Variants in SIRPD observed in about 807,000 individuals in gnomAD.
SIRPD encodes the protein signal-regulatory protein delta.
Under a neutral mutation model 18.0 loss-of-function variants are expected in SIRPD, and 21 were observed. The observed-to-expected ratio is 1.17, with a 90% CI of 0.83 to 1.68. The LOEUF (loss-of-function observed/expected upper bound fraction) is 1.68. Ranked by LOEUF, SIRPD falls within the 40% of genes most tolerant of loss-of-function variation. The pLI, the probability that SIRPD is intolerant of heterozygous loss-of-function variation, is 0.00. For synonymous variants in SIRPD, 106 were observed against 92.9 expected (o/e 1.14, Z -0.81); for missense variants, 295 against 238.4 (o/e 1.24, Z -1.56).
intron 2 of SIRPD, among the ~76,000 whole-genome samples, chr20:1,549,436 T>A (rs1039303464): frequency 6.6e-6 from 1 of 152,044 alleles, no homozygotes; most frequent in African/African-American, 2.4e-5. Context: ...TGTCTCACTT[T>A]TTTTGAAACT....
chr20:1,535,749 G>C (rs2090942395), intron 3 of SIRPD, among the ~76,000 whole-genome samples: 1 of 152,144 alleles, frequency 6.6e-6, no homozygotes, highest in Non-Finnish European at 1.5e-5. Context: ...TGACATTGGT[G>C]TTTTACTTTG....
intron 1 of SIRPD, among the ~76,000 whole-genome samples, chr20:1,553,493 C>T (rs946981347): frequency 1.3e-5 from 2 of 152,092 alleles, no homozygotes; most frequent in African/African-American, 2.4e-5. Context: ...GATGTGGCTA[C>T]TAGCATCTGT....
chr20:1,545,230 C>T (rs529496250), intron 2 of SIRPD, among the ~76,000 whole-genome samples: 37 of 152,306 alleles, frequency 2.4e-4, no homozygotes, highest in African/African-American at 8.2e-4. Flanking sequence ...GTTCCATTCT[C>T]CCCATCACTT....
At chr20:1,557,001 C>T (rs2091044208) in intron 1 of SIRPD, among the ~76,000 whole-genome samples, 1 of 152,166 alleles carries the variant, frequency 6.6e-6, no homozygotes, top group Non-Finnish European at 1.5e-5. Context: ...GCCTATAATG[C>T]GAGCACTTTG....
intron 2 of SIRPD, among the ~76,000 whole-genome samples, chr20:1,550,780 C>G (rs2091015538): frequency 6.6e-6 from 1 of 152,180 alleles, no homozygotes; most frequent in African/African-American, 2.4e-5. Context: ...GAGTTAGGTT[C>G]CTCATCTGTA....
intron 2 of SIRPD, among the ~76,000 whole-genome samples, chr20:1,551,171 A>G (rs1227400731): frequency 1.3e-5 from 2 of 152,246 alleles, no homozygotes; most frequent in Non-Finnish European, 2.9e-5. Context: ...ATGGTTGTGC[A>G]GATTGTCAAT....
chr20:1,551,938 TG>T lies in SIRPD; in HGVS notation c.173del (p.Pro58GlnfsTer17). Reference protein sequence around the residue: ...ILSCSVPNTLPNGPVLWFKGT... With the variant: ...ILSCSVPNTLXNGPVLWFKGT... ...CCTTGAACCACAAGACAGGTCCATT[TG>T]GTAAGGTATTGGGTACGCTGCAACT... On this transcript the variant is annotated frameshift_variant, in exon 2 of 4. Coordinates refer to ENST00000381623, the MANE Select transcript of SIRPD (RefSeq NM_178460.3). LOFTEE classifies it high-confidence loss of function. The T allele has an allele frequency of 6.2e-7, 1 of 1,614,112 alleles. No individual in the cohort carries two copies. The highest frequency in any genetic ancestry group is 8.5e-7 in the Non-Finnish European group (1 of 1,179,996).
chr20:1,549,013 A>G (rs1040549360), intron 2 of SIRPD, among the ~76,000 whole-genome samples: 4 of 151,836 alleles, frequency 2.6e-5, no homozygotes, highest in African/African-American at 9.7e-5. Context: ...GGCTCTGTTC[A>G]TTTTTTAAAT....
chr20:1,552,954 T>C (rs2091025811), intron 1 of SIRPD, among the ~76,000 whole-genome samples: 1 of 152,208 alleles, frequency 6.6e-6, no homozygotes, highest in Admixed American at 6.5e-5. Flanking sequence ...TCAGTTCTCC[T>C]GGTAGAACTG....
At chr20:1,553,617 T>G (rs990409301) in intron 1 of SIRPD, among the ~76,000 whole-genome samples, 9 of 152,208 alleles carry the variant, frequency 5.9e-5, no homozygotes, top group Non-Finnish European at 1.2e-4. Context: ...CCCAGTTTTC[T>G]TACCATTTAG....
intron 1 of SIRPD, among the ~76,000 whole-genome samples, chr20:1,553,750 A>G (rs1252590202): frequency 1.3e-5 from 2 of 152,184 alleles, no homozygotes; most frequent in African/African-American, 2.4e-5. Context: ...TTGTCAACAT[A>G]GCTTGATTCA....
chr20:1,534,294 G>A lies in SIRPD; in HGVS notation c.*131C>T. The A allele has an allele frequency of 8.2e-7, 1 of 1,226,010 alleles. No individual in the cohort carries two copies. The highest frequency in any genetic ancestry group is 1.2e-6 in the Non-Finnish European group (1 of 854,830). The allele number at this position is 1,226,010 out of a possible 1,614,324, so 75.9% of individuals were successfully genotyped here. On this transcript the variant is annotated 3_prime_UTR_variant, in exon 4 of 4. Transcript: ENST00000381623. ...ACAGATTTATTGTACGATCAAGCTG[G>A]CATTTTATGTCAGTGGAAGAAAGCT...
At chr20:1,557,244 C>A (rs1010456700) in intron 1 of SIRPD, among the ~76,000 whole-genome samples, 1 of 151,864 alleles carries the variant, frequency 6.6e-6, no homozygotes, top group Admixed American at 6.6e-5. Context: ...CAGAGTGAGA[C>A]CCTGTCTCAA....
At chr20:1,549,007 C>T (rs923802649) in intron 2 of SIRPD, among the ~76,000 whole-genome samples, 5 of 152,016 alleles carry the variant, frequency 3.3e-5, no homozygotes, top group African/African-American at 9.7e-5. Flanking sequence ...CTCTGAGGCT[C>T]TGTTCATTTT....
chr20:1,554,590 A>C (rs1187134008), intron 1 of SIRPD, among the ~76,000 whole-genome samples: 1 of 152,216 alleles, frequency 6.6e-6, no homozygotes, highest in African/African-American at 2.4e-5. Context: ...ATTTTTATTA[A>C]ATGAGAAAAT....
At chr20:1,535,344 TAA>T (rs902137355) in intron 3 of SIRPD, among the ~76,000 whole-genome samples, 2 of 152,168 alleles carry the variant, frequency 1.3e-5, no homozygotes, top group African/African-American at 4.8e-5. Context: ...TGCTATAGTT[TAA>T]ATATTTGTCC....
At chr20:1,543,968 G>A (rs1299348533) in intron 2 of SIRPD, among the ~76,000 whole-genome samples, 1 of 152,200 alleles carries the variant, frequency 6.6e-6, no homozygotes, top group Non-Finnish European at 1.5e-5. Context: ...ATTGCACTGT[G>A]ATCTGAGAGA....
intron 2 of SIRPD, among the ~76,000 whole-genome samples, chr20:1,538,155 G>A (rs1294764579): frequency 2.0e-5 from 3 of 152,120 alleles, no homozygotes; most frequent in East Asian, 1.9e-4. Flanking sequence ...ACTGCCTCCT[G>A]TGACTCAGTT....
intron 3 of SIRPD, among the ~76,000 whole-genome samples, chr20:1,535,397 T>C (rs796075430): frequency 1.3e-5 from 2 of 152,246 alleles, no homozygotes; most frequent in South Asian, 4.1e-4. Flanking sequence ...CAATGTGCAG[T>C]ATTGAGAGGT....
Sources: gnomAD v4.1 joint callset for allele counts (sites outside exome capture counted in the v4.1 genomes callset) on GRCh38, gnomAD v4.1.1 for gene constraint, MANE v1.5 for transcripts, NCBI Gene and HGNC (gene_info 2026-07-23, HGNC 2026-07-21) for gene names.